The following NUP210L variants were observed in gnomAD, a reference collection of about 807,000 sequenced individuals.
NUP210L encodes the protein nucleoporin 210 like.
In NUP210L, 74 loss-of-function variants were observed where a neutral mutation model predicts 208.5. The observed-to-expected ratio is 0.35, with a 90% CI of 0.29 to 0.43. The LOEUF (loss-of-function observed/expected upper bound fraction) is 0.43. NUP210L is among the 20% of genes least tolerant of loss of function. NUP210L has a pLI of 1.00. For missense variants in NUP210L, 1,843 were observed against 2,289.4 expected, an observed-to-expected ratio of 0.81 and a Z score of 3.98; for synonymous variants, 780 against 816.9, an observed-to-expected ratio of 0.95 and a Z score of 0.77.
chr1:154,055,551 A>G (rs894659450), intron 23 of NUP210L, among the ~76,000 whole-genome samples: 1 of 151,710 alleles, frequency 6.6e-6, no homozygotes, highest in Non-Finnish European at 1.5e-5. Flanking sequence ...ACGCCTGTCC[A>G]TGCCTGACTA....
At chr1:154,098,362 GC>G (rs1447238972) in intron 14 of NUP210L, among the ~76,000 whole-genome samples, 28 of 152,214 alleles carry the variant, frequency 1.8e-4, no homozygotes, top group African/African-American at 6.5e-4. Flanking sequence ...GTATGTTTCA[GC>G]CCTGTTTGTG....
At chr1:154,119,074 C>T (rs1262329229) in intron 10 of NUP210L, among the ~76,000 whole-genome samples, 1 of 151,896 alleles carries the variant, frequency 6.6e-6, no homozygotes, top group African/African-American at 2.4e-5. Flanking sequence ...TTAAAATTCC[C>T]TGAAATAAAA....
chr1:153,993,650 C>T (rs376811166), intron 38 of NUP210L, among the ~76,000 whole-genome samples: 3 of 150,898 alleles, frequency 2.0e-5, no homozygotes, highest in South Asian at 2.1e-4. Flanking sequence ...TGGTGGCTCA[C>T]GCCTGTAATC....
At chr1:154,021,561 ATGTTAGGACTTAG>A (rs1651566945) in intron 32 of NUP210L, among the ~76,000 whole-genome samples, 1 of 151,964 alleles carries the variant, frequency 6.6e-6, no homozygotes, top group Non-Finnish European at 1.5e-5. Context: ...CAATGATGAT[ATGTTAGGACTTAG>A]GCCTTCAAAT....
chr1:154,115,185 A>T (rs1476325660), intron 12 of NUP210L, among the ~76,000 whole-genome samples: 1 of 152,218 alleles, frequency 6.6e-6, no homozygotes, highest in Non-Finnish European at 1.5e-5. Context: ...GTCTGATTAT[A>T]AAAATAATTA....
intron 27 of NUP210L, among the ~76,000 whole-genome samples, chr1:154,038,512 T>A (rs1045703718): frequency 4.0e-5 from 6 of 151,878 alleles, no homozygotes; most frequent in Admixed American, 3.9e-4. Context: ...CTGGCTAATT[T>A]TTGTATTTTT....
intron 16 of NUP210L, among the ~76,000 whole-genome samples, chr1:154,075,521 A>G (rs1005945957): frequency 6.6e-6 from 1 of 152,174 alleles, no homozygotes; most frequent in Non-Finnish European, 1.5e-5. Context: ...TAGGTCAAAG[A>G]GTACAGATGT....
chr1:154,097,682 C>A (rs921231733), intron 14 of NUP210L, among the ~76,000 whole-genome samples: 1 of 152,104 alleles, frequency 6.6e-6, no homozygotes, highest in African/African-American at 2.4e-5. Flanking sequence ...TACTTTACTT[C>A]TTTCATTAGT....
chr1:154,111,924 T>G (rs560174536), intron 12 of NUP210L, among the ~76,000 whole-genome samples: 6 of 151,568 alleles, frequency 4.0e-5, no homozygotes, highest in South Asian at 2.1e-4. Context: ...CAACACTTTT[T>G]TTTTGTTTTG....
At chr1:154,075,188 A>G (rs960583966) in intron 16 of NUP210L, among the ~76,000 whole-genome samples, 1 of 152,192 alleles carries the variant, frequency 6.6e-6, no homozygotes, top group African/African-American at 2.4e-5. Flanking sequence ...GTACATCACT[A>G]TTGGGTTATA....
At chr1:154,030,382 C>T (rs1571190339) in intron 27 of NUP210L, among the ~76,000 whole-genome samples, 1 of 151,816 alleles carries the variant, frequency 6.6e-6, no homozygotes, top group Non-Finnish European at 1.5e-5. Flanking sequence ...ACTGCAGCCT[C>T]GACCTCCCGG....
intron 35 of NUP210L, among the ~76,000 whole-genome samples, chr1:154,002,938 C>G (rs1249440495): frequency 6.6e-6 from 1 of 151,754 alleles, no homozygotes; most frequent in African/African-American, 2.4e-5. Flanking sequence ...ATCAGACCAC[C>G]TCTTGGTGTC....
At chr1:154,033,926 A>G (rs578128785) in intron 27 of NUP210L, among the ~76,000 whole-genome samples, 1 of 151,556 alleles carries the variant, frequency 6.6e-6, no homozygotes, top group Admixed American at 6.6e-5. Context: ...CATTTATTTT[A>G]TTTATTTATT....
chr1:154,000,003 T>G (rs1448072730), intron 37 of NUP210L, among the ~76,000 whole-genome samples: 1 of 151,738 alleles, frequency 6.6e-6, no homozygotes, highest in African/African-American at 2.4e-5. Flanking sequence ...TTTTTTTTTG[T>G]ACTTTTTTGT....
At chr1:154,025,762 G>A (rs1651843863) in intron 29 of NUP210L, 46 bp from the exon 30 acceptor site, 1 of 1,538,580 alleles carries the variant, frequency 6.5e-7, no homozygotes, top group Non-Finnish European at 8.8e-7. Flanking sequence ...GGTCCTGTCT[G>A]ACCAGAGAGA....
At chr1:154,095,531 C>G (rs112224090) in intron 14 of NUP210L, among the ~76,000 whole-genome samples, 116 of 152,216 alleles carry the variant, frequency 7.6e-4, no homozygotes, top group African/African-American at 2.2e-3. Context: ...GTTTTCTCTA[C>G]TTATATAAAC....
intron 35 of NUP210L, 112 bp downstream of exon 35, chr1:154,009,858 CCA>C (rs1459945665): frequency 2.5e-6 from 2 of 806,202 alleles, no homozygotes; most frequent in Non-Finnish European, 3.6e-6. Context: ...GACAAAGATT[CCA>C]CAGTTATATA....
intron 16 of NUP210L, among the ~76,000 whole-genome samples, chr1:154,077,878 G>A (rs559208730): frequency 6.6e-6 from 1 of 152,076 alleles, no homozygotes; most frequent in Admixed American, 6.6e-5. Context: ...CCAGCTACTT[G>A]GGAGGCTGAG....
chr1:154,103,443 C>T (rs1215285988), intron 13 of NUP210L, among the ~76,000 whole-genome samples: 5 of 150,822 alleles, frequency 3.3e-5, no homozygotes, highest in African/African-American at 9.7e-5. Context: ...GAGGCCGAGG[C>T]GGGCGGATCA....
Sources: allele counts gnomAD v4.1 joint callset (sites outside exome capture counted in the v4.1 genomes callset), GRCh38; gene constraint gnomAD v4.1.1; transcripts MANE v1.5; gene names NCBI Gene and HGNC (gene_info 2026-07-23, HGNC 2026-07-21).